The following SAMD5 variants were observed in gnomAD, a reference collection of about 807,000 sequenced individuals.
SAMD5 encodes the protein sterile alpha motif domain-containing protein 5.
In SAMD5, 13 loss-of-function variants were observed where a neutral mutation model predicts 11.3. The observed-to-expected ratio is 1.15, with a 90% CI of 0.75 to 1.83. The LOEUF (loss-of-function observed/expected upper bound fraction) is 1.83. Ranked by LOEUF, SAMD5 falls within the 40% of genes most tolerant of loss-of-function variation. The pLI, the probability that SAMD5 is intolerant of heterozygous loss-of-function variation, is 0.00. For synonymous variants in SAMD5, 129 were observed against 111.3 expected (o/e 1.16, Z -1.00); for missense variants, 255 against 239.1 (o/e 1.07, Z -0.44).
the SAMD5 span, among the ~76,000 whole-genome samples, chr6:147,828,083 G>A: frequency 1.3e-5 from 2 of 152,096 alleles, no homozygotes; most frequent in Non-Finnish European, 2.9e-5. Flanking sequence ...ACCGCGCCAG[G>A]CCCAACGTGA....
At chr6:147,588,312 G>GTT (rs34758455) in intron 1 of SAMD5, among the ~76,000 whole-genome samples, 26 of 103,118 alleles carry the variant, frequency 2.5e-4, no homozygotes, top group South Asian at 3.4e-4. Flanking sequence ...TACTTTGTTG[G>GTT]TTTTTTTTTT....
intron 1 of SAMD5, among the ~76,000 whole-genome samples, chr6:147,614,775 T>C (rs2128449469): frequency 6.6e-6 from 1 of 152,054 alleles, no homozygotes; most frequent in East Asian, 1.9e-4. Flanking sequence ...ACATACATAC[T>C]TTAAAATTCA....
At chr6:147,900,580 C>T in the SAMD5 span, among the ~76,000 whole-genome samples, 10 of 152,050 alleles carry the variant, frequency 6.6e-5, no homozygotes, top group African/African-American at 1.7e-4. Context: ...GCTCACCTGC[C>T]GAGGAGGAAT....
rs771941934 is a variant in SAMD5, at chr6:147,699,287, A to T, written c.163-38030A>T. On this transcript the variant is annotated intron_variant, in intron 1 of 1. Transcript: ENST00000566741. ...GCATTTGCATATGAATGAATTGAAT[A>T]CTGGACACATATGGGAAAATGAATT... is the stretch of plus-strand genomic sequence containing the variant. 6.6e-4 allele frequency among the ~76,000 whole-genome samples: 101 copies of T among 152,196 alleles called. 1 individual carries two copies. Among genetic ancestry groups the T allele is most frequent in the Non-Finnish European group, 1.0e-3 (68 of 68,034 alleles).
rs1789008726 is a variant in SAMD5, at chr6:147,564,676, A to AAGTATT, written c.*221_*226dup. On this transcript the variant is annotated 3_prime_UTR_variant, in exon 2 of 2. Coordinates refer to ENST00000367474, the MANE Select transcript of SAMD5 (RefSeq NM_001030060.3). Reference sequence around the variant, plus strand: ...AGGCAGTGAACTATCACGCATAAAGAAGTATTGAGTTCATTTTTTTAAGAA... The same window carrying AAGTATT: ...AGGCAGTGAACTATCACGCATAAAGAAGTATTAGTATTGAGTTCATTTTTTTAAGAA... The AAGTATT allele has an allele frequency of 5.5e-6, 7 of 1,280,882 alleles. No individual in the cohort carries two copies. Among genetic ancestry groups the AAGTATT allele is most frequent in the Non-Finnish European group, 6.9e-6 (7 of 1,011,296 alleles). 79.3% of individuals were successfully genotyped at this position (1,280,882 alleles called of 1,614,324 possible).
intron 1 of SAMD5, among the ~76,000 whole-genome samples, chr6:147,656,896 A>G (rs1347784925): frequency 1.5e-5 from 1 of 67,140 alleles, no homozygotes; most frequent in East Asian, 3.9e-4. Flanking sequence ...ACAATACAGT[A>G]TACGTGTGTG....
chr6:147,948,071 CT>C, the SAMD5 span, among the ~76,000 whole-genome samples: 1 of 152,082 alleles, frequency 6.6e-6, no homozygotes, highest in Non-Finnish European at 1.5e-5. Flanking sequence ...TTAAGTCCTA[CT>C]TCTCAATAAC....
chr6:147,605,591 G>A (rs1008076557), intron 1 of SAMD5, among the ~76,000 whole-genome samples: 10 of 152,158 alleles, frequency 6.6e-5, no homozygotes, highest in African/African-American at 1.4e-4. Flanking sequence ...AGAAAATAGA[G>A]TGAATGGGAG....
the SAMD5 span, among the ~76,000 whole-genome samples, chr6:147,918,378 G>A: frequency 2.6e-5 from 4 of 152,132 alleles, no homozygotes; most frequent in Non-Finnish European, 5.9e-5. Context: ...TGTTATTGGT[G>A]TATAAGAATA....
At chr6:147,533,302 T>C (rs1788457434) in intron 1 of SAMD5, among the ~76,000 whole-genome samples, 1 of 151,148 alleles carries the variant, frequency 6.6e-6, no homozygotes, top group Admixed American at 6.6e-5. Context: ...AGAGAGAGCA[T>C]TTAAGAAACC....
At chr6:147,927,487 C>T in the SAMD5 span, among the ~76,000 whole-genome samples, 39 of 152,158 alleles carry the variant, frequency 2.6e-4, 1 homozygote, top group East Asian at 6.6e-3. Context: ...TGTGTAGAAA[C>T]GTTCACGATT....
the SAMD5 span, among the ~76,000 whole-genome samples, chr6:147,931,499 G>A: frequency 9.9e-4 from 150 of 152,136 alleles, no homozygotes; most frequent in Non-Finnish European, 1.5e-3. Context: ...GTCCTTAAGG[G>A]TAATTGTCTA....
chr6:147,943,940 G>C, the SAMD5 span, among the ~76,000 whole-genome samples: 2 of 152,158 alleles, frequency 1.3e-5, no homozygotes, highest in Admixed American at 1.3e-4. Context: ...GAGGCTGTGA[G>C]AATGTGCTGA....
the SAMD5 span, among the ~76,000 whole-genome samples, chr6:147,906,525 G>A: frequency 6.6e-6 from 1 of 152,140 alleles, no homozygotes; most frequent in Admixed American, 6.5e-5. Context: ...ATCTGGTGAC[G>A]GCCATTGACA....
chr6:147,734,011 T>G (rs1294994248), intron 1 of SAMD5, among the ~76,000 whole-genome samples: 1 of 152,240 alleles, frequency 6.6e-6, no homozygotes, highest in Non-Finnish European at 1.5e-5. Flanking sequence ...CCATTTTATC[T>G]TAACTCATAT....
chr6:147,717,558 C>T (rs1009909742), intron 1 of SAMD5, among the ~76,000 whole-genome samples: 1 of 152,186 alleles, frequency 6.6e-6, no homozygotes, highest in African/African-American at 2.4e-5. Context: ...AAGGACCCCG[C>T]GTGTCCATTC....
In SAMD5 at chr6:147,627,972, C is replaced by T. The variant is rs147105929; in HGVS notation, c.163-109345C>T. ...GTTAATAATAAAGGCTGTTGTATTC[C>T]CCTGCCCAGGATTTGTTCAAAATAC... On this transcript the variant is annotated intron_variant, in intron 1 of 1. Coordinates refer to the SAMD5 transcript ENST00000566741. Among the ~76,000 whole-genome samples, 223 of 152,274 alleles carry T rather than the reference C, an allele frequency of 1.5e-3. 1 individual carries two copies. Among genetic ancestry groups the T allele is most frequent in the Non-Finnish European group, 8.5e-4 (58 of 68,026 alleles).
intron 1 of SAMD5, among the ~76,000 whole-genome samples, chr6:147,650,782 T>C (rs2128453326): frequency 6.6e-6 from 1 of 152,202 alleles, no homozygotes; most frequent in Admixed American, 6.5e-5. Flanking sequence ...AAGAGGGTGA[T>C]GCGGTTTCCA....
chr6:147,850,190 T>C, the SAMD5 span, among the ~76,000 whole-genome samples: 3 of 152,320 alleles, frequency 2.0e-5, no homozygotes, highest in South Asian at 6.2e-4. Context: ...AGTGTTATGG[T>C]CTTTGGCTTT....
Sources: allele counts gnomAD v4.1 joint callset (sites outside exome capture counted in the v4.1 genomes callset), GRCh38; gene constraint gnomAD v4.1.1; transcripts MANE v1.5; gene names NCBI Gene and HGNC (gene_info 2026-07-23, HGNC 2026-07-21).